The following MYO3B variants were observed in gnomAD, a reference collection of about 807,000 sequenced individuals.
MYO3B encodes myosin IIIB.
MYO3B carries 156 observed loss-of-function variants against 174.6 expected under a neutral mutation model. The observed-to-expected ratio is 0.89, with a 90% CI of 0.78 to 1.02. The LOEUF (loss-of-function observed/expected upper bound fraction) is 1.02. Among genes scored for constraint, MYO3B ranks in the 50% least tolerant of loss-of-function variants. The pLI is 0.00. For missense variants in MYO3B, 1,632 were observed against 1,639.4 expected (o/e 1.00, Z 0.08); for synonymous variants, 563 against 569.1 (o/e 0.99, Z 0.15).
chr2:170,260,400 G>T (rs2093336886), intron 7 of MYO3B, among the ~76,000 whole-genome samples: 1 of 152,224 alleles, frequency 6.6e-6, no homozygotes, highest in African/African-American at 2.4e-5. Context: ...CATGTTCTTT[G>T]CAGCAGCATG....
At chr2:170,435,199 G>A (rs1252300758) in intron 22 of MYO3B, among the ~76,000 whole-genome samples, 3 of 152,188 alleles carry the variant, frequency 2.0e-5, no homozygotes, top group Non-Finnish European at 2.9e-5. Context: ...TCTTGGAGAA[G>A]GGAAGTCAAG....
intron 7 of MYO3B, among the ~76,000 whole-genome samples, chr2:170,272,191 C>A (rs2093430314): frequency 6.6e-6 from 1 of 151,520 alleles, no homozygotes; most frequent in African/African-American, 2.4e-5. Flanking sequence ...GTTAGAAATG[C>A]AAATTCACAG....
chr2:170,409,694 C>T (rs907945672), intron 22 of MYO3B, among the ~76,000 whole-genome samples: 8 of 152,152 alleles, frequency 5.3e-5, no homozygotes, highest in Admixed American at 1.3e-4. Flanking sequence ...TTTTAGGCAA[C>T]GAGGGAAATA....
chr2:170,562,352 T>C (rs1257997464), intron 32 of MYO3B, among the ~76,000 whole-genome samples: 2 of 152,244 alleles, frequency 1.3e-5, no homozygotes, highest in Non-Finnish European at 2.9e-5. Context: ...GTAATGATAG[T>C]TCCAGATATC....
intron 32 of MYO3B, among the ~76,000 whole-genome samples, chr2:170,556,858 C>T (rs1691341520): frequency 6.6e-6 from 1 of 152,172 alleles, no homozygotes; most frequent in African/African-American, 2.4e-5. Flanking sequence ...AGTCACATCT[C>T]ATTATTTTAA....
At chr2:170,260,374 TA>T (rs1305790769) in intron 7 of MYO3B, among the ~76,000 whole-genome samples, 1 of 152,188 alleles carries the variant, frequency 6.6e-6, no homozygotes, top group Non-Finnish European at 1.5e-5. Flanking sequence ...TATGCAGCCA[TA>T]AAAAGGGATA....
intron 7 of MYO3B, 111 bp downstream of exon 7, chr2:170,236,247 T>G (rs980505943): frequency 3.1e-5 from 44 of 1,421,144 alleles, no homozygotes; most frequent in Middle Eastern, 1.8e-4. Flanking sequence ...CAAAGCCTGA[T>G]TGTGAAATAT....
intron 30 of MYO3B, among the ~76,000 whole-genome samples, chr2:170,527,665 C>T (rs898399986): frequency 3.9e-5 from 6 of 152,208 alleles, no homozygotes; most frequent in African/African-American, 1.4e-4. Flanking sequence ...TGGAGCCAAA[C>T]TGCCTCTGTT....
At chr2:170,228,649 C>A (rs1448905446) in intron 6 of MYO3B, among the ~76,000 whole-genome samples, 3 of 152,092 alleles carry the variant, frequency 2.0e-5, no homozygotes, top group Non-Finnish European at 4.4e-5. Context: ...CCTCTTCTAC[C>A]CTCCACTAGC....
At chr2:170,622,391 A>G (rs1696000658) in intron 32 of MYO3B, among the ~76,000 whole-genome samples, 1 of 152,202 alleles carries the variant, frequency 6.6e-6, no homozygotes, top group Non-Finnish European at 1.5e-5. Context: ...ACTTTTAAAT[A>G]TCATATAAAG....
intron 32 of MYO3B, among the ~76,000 whole-genome samples, chr2:170,605,830 A>G (rs1434762544): frequency 6.6e-6 from 1 of 152,070 alleles, no homozygotes; most frequent in Non-Finnish European, 1.5e-5. Context: ...ACTGCACTCT[A>G]GCCTGGGGGA....
intron 2 of MYO3B, among the ~76,000 whole-genome samples, 186 bp from the exon 3 acceptor site, chr2:170,199,964 A>G (rs1320303816): frequency 6.6e-6 from 1 of 152,212 alleles, no homozygotes; most frequent in African/African-American, 2.4e-5. Context: ...TTAGAATGTA[A>G]TAATGTAATA....
chr2:170,460,854 T>C (rs1275363572), intron 23 of MYO3B, among the ~76,000 whole-genome samples: 2 of 152,248 alleles, frequency 1.3e-5, no homozygotes, highest in African/African-American at 2.4e-5. Context: ...TTTATTTATA[T>C]TTTATTTGTG....
At chr2:170,348,872 T>A (rs1308983044) in intron 8 of MYO3B, among the ~76,000 whole-genome samples, 1 of 152,236 alleles carries the variant, frequency 6.6e-6, no homozygotes, top group Non-Finnish European at 1.5e-5. Context: ...TGGCTTTTTC[T>A]GGCTACCCAG....
chr2:170,233,132 G>T (rs1006059197), intron 6 of MYO3B, among the ~76,000 whole-genome samples: 1 of 152,160 alleles, frequency 6.6e-6, no homozygotes. Flanking sequence ...TAGACTATGG[G>T]TACTAGATAC....
At chr2:170,230,152 T>C (rs1205965389) in intron 6 of MYO3B, among the ~76,000 whole-genome samples, 1 of 151,096 alleles carries the variant, frequency 6.6e-6, no homozygotes, top group Non-Finnish European at 1.5e-5. Context: ...ATTAATCTCA[T>C]GGGGACCTAG....
At chr2:170,303,670 G>T (rs1458732772) in intron 7 of MYO3B, among the ~76,000 whole-genome samples, 1 of 151,656 alleles carries the variant, frequency 6.6e-6, no homozygotes, top group Non-Finnish European at 1.5e-5. Context: ...TTATAAAAAG[G>T]TTGTTCAATA....
At chr2:170,281,233 T>G (rs1252160773) in intron 7 of MYO3B, among the ~76,000 whole-genome samples, 1 of 152,192 alleles carries the variant, frequency 6.6e-6, no homozygotes, top group African/African-American at 2.4e-5. Flanking sequence ...ATTCTTTTTG[T>G]GGCAATTGTG....
intron 22 of MYO3B, among the ~76,000 whole-genome samples, chr2:170,437,794 T>C (rs973165884): frequency 2.0e-5 from 3 of 152,154 alleles, no homozygotes; most frequent in African/African-American, 7.2e-5. Flanking sequence ...TACTAATCAG[T>C]GTCTGTGTCC....
Sources: gnomAD v4.1 joint callset for allele counts (sites outside exome capture counted in the v4.1 genomes callset) on GRCh38, gnomAD v4.1.1 for gene constraint, MANE v1.5 for transcripts, NCBI Gene and HGNC (gene_info 2026-07-23, HGNC 2026-07-21) for gene names.